SLC24A3: variants seen among roughly 807,000 people sequenced by gnomAD.
SLC24A3 encodes solute carrier family 24 member 3.
In SLC24A3, 28 loss-of-function variants were observed where a neutral mutation model predicts 75.8. The ratio of observed to expected loss-of-function variants is 0.37; its 90% CI spans 0.27 to 0.51. SLC24A3 has a LOEUF of 0.51. SLC24A3 is among the 20% of genes least tolerant of loss of function. The pLI, the probability that SLC24A3 is intolerant of heterozygous loss-of-function variation, is 0.94. For synonymous variants in SLC24A3, 372 were observed against 334.1 expected, an observed-to-expected ratio of 1.11 and a Z score of -1.24; for missense variants, 663 against 847.8, an observed-to-expected ratio of 0.78 and a Z score of 2.71.
intron 2 of SLC24A3, among the ~76,000 whole-genome samples, chr20:19,338,183 G>A (rs376836423): frequency 6.6e-6 from 1 of 152,268 alleles, no homozygotes; most frequent in East Asian, 1.9e-4. Flanking sequence ...TTTTCATTAG[G>A]AAGTTTCGCA....
chr20:19,623,091 A>G (rs889358635), intron 6 of SLC24A3, among the ~76,000 whole-genome samples: 7 of 152,186 alleles, frequency 4.6e-5, no homozygotes, highest in African/African-American at 1.7e-4. Context: ...AGAGGAGACA[A>G]ATATCCAAAC....
chr20:19,577,832 A>T (rs2031162722), intron 3 of SLC24A3, among the ~76,000 whole-genome samples: 1 of 152,228 alleles, frequency 6.6e-6, no homozygotes, highest in Non-Finnish European at 1.5e-5. Flanking sequence ...GATGAACCAC[A>T]GTTTATATAA....
intron 2 of SLC24A3, among the ~76,000 whole-genome samples, chr20:19,478,916 G>A (rs1988005231): frequency 6.6e-6 from 1 of 152,244 alleles, no homozygotes; most frequent in Non-Finnish European, 1.5e-5. Context: ...GAACAAACCA[G>A]TAGATGGTCT....
intron 2 of SLC24A3, among the ~76,000 whole-genome samples, chr20:19,299,901 G>A (rs146742361): frequency 5.9e-5 from 9 of 152,314 alleles, no homozygotes; most frequent in Admixed American, 5.9e-4. Flanking sequence ...CTTTGAAAGT[G>A]ACTCAATATG....
intron 2 of SLC24A3, among the ~76,000 whole-genome samples, chr20:19,400,143 T>C (rs1020390827): frequency 1.3e-5 from 2 of 152,220 alleles, no homozygotes; most frequent in Admixed American, 6.5e-5. Context: ...ATTTATCTCC[T>C]CATTATGGGT....
intron 1 of SLC24A3, among the ~76,000 whole-genome samples, chr20:19,238,339 G>T (rs192327610): frequency 6.6e-6 from 1 of 152,140 alleles, no homozygotes; most frequent in South Asian, 2.1e-4. Context: ...TATTGTTGCC[G>T]TTCACAGTTT....
chr20:19,221,301 C>T (rs1036739879), intron 1 of SLC24A3, among the ~76,000 whole-genome samples: 1 of 152,196 alleles, frequency 6.6e-6, no homozygotes, highest in Non-Finnish European at 1.5e-5. Flanking sequence ...TACCAGATTC[C>T]TCTGGCCTGC....
At chr20:19,658,741 A>G (rs191406200) in intron 7 of SLC24A3, among the ~76,000 whole-genome samples, 4 of 152,254 alleles carry the variant, frequency 2.6e-5, no homozygotes, top group Admixed American at 2.6e-4. Context: ...CAAGACAGAC[A>G]TCACCTTTTA....
chr20:19,558,140 T>C (rs756943732), intron 3 of SLC24A3, among the ~76,000 whole-genome samples: 5 of 152,184 alleles, frequency 3.3e-5, no homozygotes, highest in Non-Finnish European at 7.4e-5. Flanking sequence ...TCAGGTTCTC[T>C]GAGTCACAGT....
Position 19,673,244 on chromosome 20 carries a change from C to T in SLC24A3, c.714-357C>T, listed in dbSNP as rs939922961. Among the ~76,000 whole-genome samples, 5 of 152,260 alleles carry T rather than the reference C, an allele frequency of 3.3e-5. No homozygotes were observed. In the East Asian group the frequency reaches 5.8e-4, roughly 18 times the overall value. On this transcript the variant is annotated intron_variant, in intron 8 of 16. Coordinates refer to ENST00000328041, the MANE Select transcript of SLC24A3 (RefSeq NM_020689.4). ...GCAATTCCTCTAATTTTAGTTTCCC[C>T]TTGTAAATATGTCTGAATAGTTTCA...
At chr20:19,435,629 G>T (rs1287317200) in intron 2 of SLC24A3, among the ~76,000 whole-genome samples, 1 of 152,134 alleles carries the variant, frequency 6.6e-6, no homozygotes, top group African/African-American at 2.4e-5. Context: ...TTTTCCCCAG[G>T]CAAAGAGTGA....
chr20:19,657,799 CT>C (rs2032282610), intron 7 of SLC24A3, among the ~76,000 whole-genome samples: 1 of 152,120 alleles, frequency 6.6e-6, no homozygotes, highest in African/African-American at 2.4e-5. Flanking sequence ...CTTTTTTCTT[CT>C]TCTCCTCTTT....
intron 12 of SLC24A3, among the ~76,000 whole-genome samples, chr20:19,686,917 A>T (rs1208637258): frequency 6.6e-6 from 1 of 152,234 alleles, no homozygotes; most frequent in Admixed American, 6.5e-5. Context: ...CCACCATCAG[A>T]TATATTTCTT....
chr20:19,526,597 T>C (rs1409306951), intron 3 of SLC24A3, among the ~76,000 whole-genome samples: 1 of 152,166 alleles, frequency 6.6e-6, no homozygotes, highest in Non-Finnish European at 1.5e-5. Context: ...AGATCAGCCC[T>C]TGAGAGCAAC....
chr20:19,579,944 A>G, intron 3 of SLC24A3, 56 bp from the exon 4 acceptor site: 1 of 1,362,638 alleles, frequency 7.3e-7, no homozygotes. Flanking sequence ...CTGGACGTTC[A>G]TCTTCCTGGC....
intron 2 of SLC24A3, among the ~76,000 whole-genome samples, chr20:19,505,855 G>A (rs1211967873): frequency 6.6e-6 from 1 of 152,186 alleles, no homozygotes; most frequent in Admixed American, 6.5e-5. Flanking sequence ...AAGGTGCTTA[G>A]TACAAAAGAC....
At chr20:19,531,062 A>G (rs1221849830) in intron 3 of SLC24A3, among the ~76,000 whole-genome samples, 1 of 151,918 alleles carries the variant, frequency 6.6e-6, no homozygotes, top group African/African-American at 2.4e-5. Context: ...CCTGTGGTTC[A>G]GCCTATCCGT....
chr20:19,301,786 G>T (rs1026693503), intron 2 of SLC24A3, among the ~76,000 whole-genome samples: 2 of 152,070 alleles, frequency 1.3e-5, no homozygotes, highest in Non-Finnish European at 2.9e-5. Context: ...TGGGCCAAAT[G>T]CTTATCTCCT....
intron 14 of SLC24A3, 56 bp from the exon 15 acceptor site, chr20:19,698,512 C>A: frequency 7.3e-7 from 1 of 1,364,436 alleles, no homozygotes; most frequent in Non-Finnish European, 1.0e-6. Context: ...TGGGAGAGTC[C>A]TGTGTGGGGC....
Sources: gnomAD v4.1 joint callset for allele counts (sites outside exome capture counted in the v4.1 genomes callset) on GRCh38, gnomAD v4.1.1 for gene constraint, MANE v1.5 for transcripts, NCBI Gene and HGNC (gene_info 2026-07-23, HGNC 2026-07-21) for gene names.